FAM240C: variants seen among roughly 807,000 people sequenced by gnomAD.
FAM240C encodes the protein family with sequence similarity 240 member C.
Under a neutral mutation model 10.0 loss-of-function variants are expected in FAM240C, and 14 were observed. The observed-to-expected ratio is 1.40, with a 90% CI of 0.92 to 2.19. The LOEUF (loss-of-function observed/expected upper bound fraction) is 2.19, where lower values mean the gene tolerates loss of function less well. FAM240C is among the 30% of genes most tolerant of loss of function. The pLI is 0.00. For synonymous variants in FAM240C, 49 were observed against 44.3 expected, an observed-to-expected ratio of 1.11 and a Z score of -0.42; for missense variants, 154 against 122.3, an observed-to-expected ratio of 1.26 and a Z score of -1.22.
At chr2:241,899,790 G>A (rs747663856) in intron 1 of FAM240C, among the ~76,000 whole-genome samples, 11 of 152,210 alleles carry the variant, frequency 7.2e-5, no homozygotes, top group Admixed American at 2.0e-4. Context: ...ACACGCGGCC[G>A]GGCGCGGTGG....
intron 1 of FAM240C, among the ~76,000 whole-genome samples, chr2:241,897,859 T>A (rs2124924683): frequency 6.6e-6 from 1 of 152,294 alleles, no homozygotes; most frequent in Middle Eastern, 3.4e-3. Flanking sequence ...CTCAGCTTCC[T>A]GAGTAGCTGG....
At chr2:241,894,587 G>C (rs1007899098) in intron 2 of FAM240C, among the ~76,000 whole-genome samples, 6 of 125,220 alleles carry the variant, frequency 4.8e-5, no homozygotes, top group East Asian at 2.4e-4. Context: ...GGGGGGGGGG[G>C]GCGTCTCACT....
At chr2:241,895,473 G>A (rs1471695447) in intron 2 of FAM240C, among the ~76,000 whole-genome samples, 3 of 152,218 alleles carry the variant, frequency 2.0e-5, no homozygotes, top group Non-Finnish European at 4.4e-5. Flanking sequence ...CTCCCACATG[G>A]GCCAGCTCCT....
At chr2:241,898,273 G>C (rs900710419) in intron 1 of FAM240C, among the ~76,000 whole-genome samples, 8 of 152,182 alleles carry the variant, frequency 5.3e-5, no homozygotes, top group South Asian at 2.1e-4. Context: ...GTCCAAGGCC[G>C]GGCGTGGTGG....
chr2:241,897,616 A>G (rs1468907793), intron 1 of FAM240C, among the ~76,000 whole-genome samples: 1 of 152,212 alleles, frequency 6.6e-6, no homozygotes, highest in Non-Finnish European at 1.5e-5. Context: ...GCTTTTAGTC[A>G]TTTTAAAATC....
chr2:241,894,258 C>A lies in FAM240C; in HGVS notation c.243G>T (p.Pro81=). ...QGPGRCPDRV[P]EATESLHTKD... ...TGGTGTGGAGGGACTCAGTGGCCTC[C>A]GGGACCCTGTCTGGGCATCTCCCTG... Residue 81 remains proline, a synonymous_variant, in exon 3 of 3, where the codon CCG becomes CCT. Transcript: ENST00000404031. The A allele has an allele frequency of 7.1e-6, 11 of 1,550,044 alleles. No homozygotes were observed. Among genetic ancestry groups the A allele is most frequent in the Non-Finnish European group, 9.6e-6 (11 of 1,146,816 alleles).
At chr2:241,902,439 C>A (rs1416273528), upstream of FAM240C, 2 of 153,252 alleles carry the variant, frequency 1.3e-5, no homozygotes, top group Non-Finnish European at 2.9e-5. This position sits in a 1 kb window ranked among gnomAD's most constrained non-coding sequence, Gnocchi z 7.1. Flanking sequence ...CCTCCGCCTG[C>A]CAGCCCGGAA....
intron 2 of FAM240C, among the ~76,000 whole-genome samples, chr2:241,896,167 G>A (rs984919724): frequency 6.6e-6 from 1 of 152,178 alleles, no homozygotes; most frequent in East Asian, 1.9e-4. Context: ...GCCTCTGGAA[G>A]CTCCTGCTGT....
rs759009297 is a variant in FAM240C, at chr2:241,900,333, G to A, written c.12+25C>T. ...CGCCAATCTCTCAAGCAAGGACAGC[G>A]CCTGTCACATCACAGAGAGCTTACT... is the stretch of plus-strand genomic sequence containing the variant. On this transcript the variant is annotated intron_variant, in intron 1 of 2. Coordinates refer to ENST00000404031, the MANE Select transcript of FAM240C (RefSeq NM_001382368.1). The surrounding 1 kb of genome is among the most constrained non-coding windows in gnomAD (Gnocchi z 4.5). 60 of 717,164 alleles carry A rather than the reference G, an allele frequency of 8.4e-5. No homozygotes were observed. The highest frequency in any genetic ancestry group is 6.5e-4 in the South Asian group (44 of 67,598). 44.4% of individuals were successfully genotyped at this position (717,164 alleles called of 1,614,324 possible).
Position 241,897,325 on chromosome 2 carries a change from T to C in FAM240C, c.22A>G (p.Lys8Glu). 3 of 1,549,632 alleles carry C rather than the reference T, an allele frequency of 1.9e-6. No individual in the cohort carries two copies. The highest frequency in any genetic ancestry group is 2.6e-6 in the Non-Finnish European group (3 of 1,146,372). The change falls in exon 2 of 3, where the codon AAA (lysine) becomes GAA (glutamate). Residue 8 changes from lysine (K) to glutamate (E), a missense_variant. Coordinates refer to ENST00000404031, the MANE Select transcript of FAM240C (RefSeq NM_001382368.1). ...CCAGGATTCTTAAGAGTGAGGCTTT[T>C]ACTCATGTTCTGGAAAATAAAAAGT... MVGKNMSKSLTLKNPGRV... is the reference protein window; with the variant it reads MVGKNMSESLTLKNPGRV...
intron 2 of FAM240C, among the ~76,000 whole-genome samples, chr2:241,896,115 C>T (rs530144142): frequency 1.7e-3 from 254 of 152,010 alleles, no homozygotes; most frequent in African/African-American, 5.9e-3. Context: ...AGGGGTACCA[C>T]GGCTCTCTTG....
intron 1 of FAM240C, among the ~76,000 whole-genome samples, chr2:241,898,162 A>G (rs1054909497): frequency 4.6e-5 from 7 of 152,332 alleles, no homozygotes; most frequent in East Asian, 1.9e-4. Flanking sequence ...GTAATATGCT[A>G]AAGTGAGGCT....
intron 1 of FAM240C, chr2:241,899,237 G>T (rs1701926293): frequency 7.7e-7 from 1 of 1,302,722 alleles, no homozygotes; most frequent in Non-Finnish European, 1.0e-6. Context: ...CAGCTGCAGA[G>T]GCGCGGGCGC....
intron 2 of FAM240C, among the ~76,000 whole-genome samples, chr2:241,896,457 T>C (rs1701806137): frequency 7.1e-6 from 1 of 139,866 alleles, no homozygotes; most frequent in African/African-American, 2.6e-5. Context: ...CCTGTGATCC[T>C]GGACGGAGTG....
At position 241,897,350 on chromosome 2, in the gene FAM240C, TGGA is replaced by T; in HGVS notation, c.13-19_13-17del. ...TACTCATGTTCTGGAAAATAAAAAGTGGAGAAGAGCTCAGTCACCTTATGCCAT... is the reference window on the plus strand; with the variant it reads ...TACTCATGTTCTGGAAAATAAAAAGTGAAGAGCTCAGTCACCTTATGCCAT... On this transcript the variant is annotated splice_polypyrimidine_tract_variant and intron_variant, in intron 1 of 2. Coordinates refer to ENST00000404031, the MANE Select transcript of FAM240C (RefSeq NM_001382368.1). The T allele has an allele frequency of 6.5e-7, 1 of 1,548,860 alleles. No individual in the cohort carries two copies. Among genetic ancestry groups the T allele is most frequent in the Non-Finnish European group, 8.7e-7 (1 of 1,145,850 alleles).
At chr2:241,902,138 C>T (rs954475285), upstream of FAM240C, among the ~76,000 whole-genome samples, 1 of 152,124 alleles carries the variant, frequency 6.6e-6, no homozygotes, top group African/African-American at 2.4e-5. The surrounding 1 kb of genome is among the most constrained non-coding windows in gnomAD (Gnocchi z 7.1). Context: ...GAGGCGTTTG[C>T]GTTTCTTCCT....
At position 241,896,649 on chromosome 2, in the gene FAM240C, GTGGGTGAA is replaced by G. The variant is rs1701821760; in HGVS notation, c.161+529_161+536del. 1.1e-4 allele frequency among the ~76,000 whole-genome samples: 7 copies of G among 62,840 alleles called. 3 individuals are homozygous for G. The East Asian group carries it at 2.6e-3, about 23-fold the overall frequency. The allele number at this position is 62,840 out of a possible 152,430, so 41.2% of individuals were successfully genotyped here. A position where few individuals can be genotyped will look rare whatever the true frequency, so the allele number is the denominator to read the frequency against. On this transcript the variant is annotated intron_variant, in intron 2 of 2. Transcript: ENST00000404031. ...GGTGTTGGGGTGTGGGTGAAGGGGTGTGGGTGAAGGGGTGTGGGTGTTGGGGTGTGGGT... is the reference window on the plus strand; with the variant it reads ...GGTGTTGGGGTGTGGGTGAAGGGGTGGGGGTGTGGGTGTTGGGGTGTGGGT...
At chr2:241,897,540 G>A (rs1575420955) in intron 1 of FAM240C, among the ~76,000 whole-genome samples, 2 of 152,264 alleles carry the variant, frequency 1.3e-5, no homozygotes, top group South Asian at 4.1e-4. Context: ...CGCTCTACCG[G>A]CTCCACCTTC....
intron 2 of FAM240C, among the ~76,000 whole-genome samples, chr2:241,896,095 G>A (rs1412715826): frequency 2.0e-5 from 3 of 152,116 alleles, no homozygotes; most frequent in East Asian, 1.9e-4. Flanking sequence ...GGACCGCCTC[G>A]GGCTGCTGAA....
Sources: allele counts gnomAD v4.1 joint callset (sites outside exome capture counted in the v4.1 genomes callset), GRCh38; gene constraint gnomAD v4.1.1; non-coding constraint Gnocchi (gnomAD v3.1); transcripts MANE v1.5; gene names NCBI Gene and HGNC (gene_info 2026-07-23, HGNC 2026-07-21).